UTS2: variants seen among roughly 807,000 people sequenced by gnomAD.
UTS2 encodes the protein urotensin-2.
A neutral mutation model predicts 12.6 loss-of-function variants in UTS2; 10 were observed. That is an observed-to-expected ratio of 0.80 (90% CI 0.49 to 1.35). UTS2 has a LOEUF of 1.35. UTS2 is among the 40% of genes most tolerant of loss of function. The probability of loss-of-function intolerance (pLI) is 0.00; values close to 1 mark genes in which losing one functional copy is unlikely to be tolerated. For synonymous variants in UTS2, 52 were observed against 50.0 expected (o/e 1.04, Z -0.17); for missense variants, 142 against 143.2 (o/e 0.99, Z 0.04).
chr1:7,870,494 C>G, the UTS2 span, among the ~76,000 whole-genome samples: 102,269 of 152,116 alleles, frequency 0.67, 34,867 homozygotes, highest in African/African-American at 0.77. Context: ...CAGTATCCTT[C>G]ACACTTCTAT....
chr1:7,853,199 A>G, upstream of UTS2: 1 of 1,537,154 alleles, frequency 6.5e-7, no homozygotes, highest in Non-Finnish European at 8.8e-7. Context: ...TAATTTTTCA[A>G]GGTAACAAGT....
the UTS2 span, among the ~76,000 whole-genome samples, chr1:7,891,869 G>A: frequency 6.6e-6 from 1 of 152,198 alleles, no homozygotes; most frequent in East Asian, 1.9e-4. Flanking sequence ...TATAGTGACA[G>A]CAGACAGGTG....
chr1:7,883,315 G>A, the UTS2 span, among the ~76,000 whole-genome samples: 4 of 152,340 alleles, frequency 2.6e-5, no homozygotes, highest in Admixed American at 2.6e-4. Context: ...TGACTCATAT[G>A]TGAGAGCTAA....
the UTS2 span, among the ~76,000 whole-genome samples, chr1:7,881,034 C>CA: frequency 0.15 from 22,700 of 152,070 alleles, 1,888 homozygotes; most frequent in Middle Eastern, 0.27. Context: ...CAATGAAGGA[C>CA]AAAAAATCAT....
chr1:7,896,754 G>A, the UTS2 span, among the ~76,000 whole-genome samples: 11 of 151,432 alleles, frequency 7.3e-5, no homozygotes, highest in African/African-American at 1.7e-4. Flanking sequence ...GGAGTGCAGT[G>A]GTGCAATCTC....
At chr1:7,860,935 G>T in the UTS2 span, among the ~76,000 whole-genome samples, 1 of 151,610 alleles carries the variant, frequency 6.6e-6, no homozygotes, top group South Asian at 2.1e-4. Flanking sequence ...CCAGCTACTC[G>T]GGAGGCTGAG....
upstream of UTS2, among the ~76,000 whole-genome samples, chr1:7,857,090 GGAAGGAAGAAAAGGAAT>G (rs1250278104): frequency 3.1e-4 from 39 of 125,478 alleles, no homozygotes; most frequent in Admixed American, 1.0e-3. Flanking sequence ...AGGGAAGGAA[GGAAGGAAGAAAAGGAAT>G]GAAGGAAGGA....
chr1:7,881,529 C>T, the UTS2 span, among the ~76,000 whole-genome samples: 14 of 152,042 alleles, frequency 9.2e-5, no homozygotes, highest in Non-Finnish European at 1.9e-4. Context: ...ATCCCATTTA[C>T]AAGAGCTATA....
upstream of UTS2, among the ~76,000 whole-genome samples, chr1:7,857,829 A>G (rs1261890938): frequency 2.1e-5 from 3 of 146,316 alleles, no homozygotes; most frequent in Non-Finnish European, 4.5e-5. Context: ...CAGCCTGGGC[A>G]ACAGAGTGAG....
chr1:7,863,452 CT>C, the UTS2 span, among the ~76,000 whole-genome samples: 1 of 152,274 alleles, frequency 6.6e-6, no homozygotes, highest in African/African-American at 2.4e-5. Flanking sequence ...TCTTTTACCC[CT>C]GTATTTCCTC....
the UTS2 span, among the ~76,000 whole-genome samples, chr1:7,877,143 G>GAAAAAAAAAAAAAAAAAAGA: frequency 1.5e-5 from 1 of 68,036 alleles, no homozygotes; most frequent in African/African-American, 5.8e-5. Flanking sequence ...AAAAAAAAAA[G>GAAAAAAAAAAAAAAAAAAGA]AAAAAAAAAA....
the UTS2 span, among the ~76,000 whole-genome samples, chr1:7,863,734 G>A: frequency 5.3e-5 from 8 of 152,172 alleles, no homozygotes; most frequent in East Asian, 5.8e-4. Context: ...CAAATTTAAC[G>A]TCTAGTTATC....
chr1:7,900,823 T>C, the UTS2 span, among the ~76,000 whole-genome samples: 18,370 of 152,078 alleles, frequency 0.12, 2,451 homozygotes, highest in East Asian at 0.56. Context: ...CTTTTTCTTT[T>C]ACTGTCCTTG....
the UTS2 span, among the ~76,000 whole-genome samples, chr1:7,890,730 A>C: frequency 6.7e-6 from 1 of 148,324 alleles, no homozygotes; most frequent in Non-Finnish European, 1.5e-5. Flanking sequence ...CATCTCCACA[A>C]AAAAAAAAAA....
At chr1:7,883,839 A>T in the UTS2 span, among the ~76,000 whole-genome samples, 2 of 149,008 alleles carry the variant, frequency 1.3e-5, no homozygotes, top group Admixed American at 1.4e-4. Flanking sequence ...TTAGCAATAA[A>T]ATATTCTTTT....
chr1:7,866,105 T>C, the UTS2 span, among the ~76,000 whole-genome samples: 1 of 152,158 alleles, frequency 6.6e-6, no homozygotes, highest in Non-Finnish European at 1.5e-5. This position sits in a 1 kb window ranked among gnomAD's most constrained non-coding sequence, Gnocchi z 4.5. Flanking sequence ...GGAGGAACCG[T>C]CATGGTCGAC....
the UTS2 span, among the ~76,000 whole-genome samples, chr1:7,910,193 T>C: frequency 6.6e-6 from 1 of 152,106 alleles, no homozygotes; most frequent in South Asian, 2.1e-4. Context: ...TGAATCCCCC[T>C]TCCCCAAGGT....
chr1:7,882,422 A>C, the UTS2 span, among the ~76,000 whole-genome samples: 3 of 152,214 alleles, frequency 2.0e-5, no homozygotes, highest in Non-Finnish European at 4.4e-5. Flanking sequence ...CATATACAAA[A>C]ATCAACTTAA....
At chr1:7,853,837 G>A (rs895181235), upstream of UTS2, among the ~76,000 whole-genome samples, 1 of 152,236 alleles carries the variant, frequency 6.6e-6, no homozygotes, top group Non-Finnish European at 1.5e-5. Context: ...CTTCGGGCCT[G>A]CCACAGGCTC....
Sources: gnomAD v4.1 joint callset for allele counts (sites outside exome capture counted in the v4.1 genomes callset) on GRCh38, gnomAD v4.1.1 for gene constraint, Gnocchi (gnomAD v3.1) non-coding constraint, MANE v1.5 for transcripts, NCBI Gene and HGNC (gene_info 2026-07-23, HGNC 2026-07-21) for gene names.